Variants in RBFOX1 observed in about 807,000 individuals in gnomAD.
RBFOX1 encodes the protein RNA binding fox-1 homolog 1.
Under a neutral mutation model 57.7 loss-of-function variants are expected in RBFOX1, and 8 were observed. The ratio of observed to expected loss-of-function variants is 0.14; its 90% CI spans 0.08 to 0.25. The LOEUF (loss-of-function observed/expected upper bound fraction) is 0.25. Ranked by LOEUF, RBFOX1 falls within the 10% of genes least tolerant of loss-of-function variation. RBFOX1 has a pLI of 1.00. For missense variants in RBFOX1, 611 were observed against 548.5 expected (o/e 1.11, Z -1.14); for synonymous variants, 326 against 222.4 (o/e 1.47, Z -4.15).
chr16:6,570,027 G>T (rs983478871), intron 2 of RBFOX1, among the ~76,000 whole-genome samples: 2 of 152,168 alleles, frequency 1.3e-5, no homozygotes, highest in Non-Finnish European at 2.9e-5. Context: ...TTTAGAGGAC[G>T]ACCTTCAGTA....
chr16:6,716,113 GA>G (rs1442068272), intron 3 of RBFOX1, among the ~76,000 whole-genome samples: 1 of 152,200 alleles, frequency 6.6e-6, no homozygotes, highest in East Asian at 1.9e-4. Context: ...AGATTGGCCT[GA>G]GGCAAATTCT....
intron 2 of RBFOX1, among the ~76,000 whole-genome samples, chr16:6,356,639 G>A (rs2152858022): frequency 6.6e-6 from 1 of 152,260 alleles, no homozygotes; most frequent in Non-Finnish European, 1.5e-5. Flanking sequence ...AATAGCTGCA[G>A]CCAAGAGAAG....
intron 1 of RBFOX1, among the ~76,000 whole-genome samples, chr16:5,324,694 AC>A (rs1252735453): frequency 6.6e-6 from 1 of 152,214 alleles, no homozygotes; most frequent in East Asian, 1.9e-4. Flanking sequence ...TCCTTAGCAA[AC>A]TAACACAAGA....
At chr16:7,417,858 G>A (rs1044424986) in intron 4 of RBFOX1, among the ~76,000 whole-genome samples, 1 of 152,080 alleles carries the variant, frequency 6.6e-6, no homozygotes, top group Non-Finnish European at 1.5e-5. Context: ...ACTTCTTGAC[G>A]CACTTTCGTT....
chr16:7,371,605 C>G (rs552875285), intron 4 of RBFOX1, among the ~76,000 whole-genome samples: 2 of 152,216 alleles, frequency 1.3e-5, no homozygotes, highest in East Asian at 3.9e-4. Context: ...CAAAAATTAG[C>G]TGGGTGTGGT....
intron 3 of RBFOX1, among the ~76,000 whole-genome samples, chr16:5,812,955 T>C (rs2055487065): frequency 6.6e-6 from 1 of 152,196 alleles, no homozygotes; most frequent in Admixed American, 6.5e-5. Context: ...TTGATTTTCT[T>C]ATTGTTTTTA....
chr16:5,253,068 A>G (rs1261459171), intron 1 of RBFOX1, among the ~76,000 whole-genome samples: 2 of 152,180 alleles, frequency 1.3e-5, no homozygotes, highest in South Asian at 4.1e-4. Context: ...TTCATCTGAA[A>G]GACTCTCTGT....
At chr16:6,786,376 C>T in intron 3 of RBFOX1, among the ~76,000 whole-genome samples, 1 of 152,122 alleles carries the variant, frequency 6.6e-6, no homozygotes, top group Non-Finnish European at 1.5e-5. Flanking sequence ...TCCCAGACAG[C>T]ATTATTCTTC....
chr16:6,828,371 A>G (rs2092397633), intron 3 of RBFOX1, among the ~76,000 whole-genome samples: 1 of 152,008 alleles, frequency 6.6e-6, no homozygotes, highest in Non-Finnish European at 1.5e-5. Flanking sequence ...TCAAAATACA[A>G]AAATTAACTG....
At chr16:6,675,541 C>A (rs955699803) in intron 3 of RBFOX1, among the ~76,000 whole-genome samples, 1 of 152,164 alleles carries the variant, frequency 6.6e-6, no homozygotes, top group Non-Finnish European at 1.5e-5. Context: ...CCACAGTAGG[C>A]ATGGTGTGTT....
chr16:5,590,347 C>A (rs975548543), intron 2 of RBFOX1, among the ~76,000 whole-genome samples: 4 of 152,142 alleles, frequency 2.6e-5, no homozygotes, highest in African/African-American at 9.7e-5. Flanking sequence ...TTTTATCTCT[C>A]ATTTGAAAAG....
At chr16:6,497,478 C>T (rs544812850) in intron 2 of RBFOX1, among the ~76,000 whole-genome samples, 69 of 152,002 alleles carry the variant, frequency 4.5e-4, no homozygotes, top group African/African-American at 1.3e-3. Context: ...TCTAGAAGAA[C>T]AGCTCTTCAA....
intron 3 of RBFOX1, among the ~76,000 whole-genome samples, chr16:6,819,001 CAG>C (rs1353725399): frequency 2.6e-5 from 4 of 152,010 alleles, no homozygotes; most frequent in African/African-American, 9.7e-5. Flanking sequence ...AAACTTGACA[CAG>C]AGGAAAATAA....
intron 2 of RBFOX1, among the ~76,000 whole-genome samples, chr16:5,547,042 A>G (rs922419243): frequency 6.6e-6 from 1 of 152,206 alleles, no homozygotes; most frequent in Non-Finnish European, 1.5e-5. Context: ...AGTTAAGACC[A>G]CAATGAGATA....
chr16:7,303,893 T>A (rs1390918202), intron 4 of RBFOX1, among the ~76,000 whole-genome samples: 1 of 135,898 alleles, frequency 7.4e-6, no homozygotes, highest in African/African-American at 2.7e-5. Context: ...CCATTCAGCC[T>A]CTTCGGGAGG....
At chr16:7,690,610 C>T (rs1451992221) in intron 14 of RBFOX1, among the ~76,000 whole-genome samples, 2 of 152,110 alleles carry the variant, frequency 1.3e-5, no homozygotes, top group African/African-American at 4.8e-5. Context: ...TGGTACCAGC[C>T]TTCTTTCTTC....
At chr16:6,960,194 A>G (rs1369849182) in intron 3 of RBFOX1, among the ~76,000 whole-genome samples, 2 of 152,134 alleles carry the variant, frequency 1.3e-5, no homozygotes, top group Non-Finnish European at 2.9e-5. Flanking sequence ...TTAGCAGGAG[A>G]CAAGAGAAGG....
At chr16:6,510,460 G>A (rs562520666) in intron 2 of RBFOX1, among the ~76,000 whole-genome samples, 1 of 152,280 alleles carries the variant, frequency 6.6e-6, no homozygotes, top group South Asian at 2.1e-4. Context: ...AGAAAGATGT[G>A]ATTTTGGTCA....
chr16:6,687,085 A>C (rs937830245), intron 3 of RBFOX1, among the ~76,000 whole-genome samples: 3 of 152,358 alleles, frequency 2.0e-5, no homozygotes, highest in African/African-American at 7.2e-5. Context: ...TTCCTGAAAG[A>C]ATCACACTTA....
Sources: allele counts gnomAD v4.1 joint callset (sites outside exome capture counted in the v4.1 genomes callset), GRCh38; gene constraint gnomAD v4.1.1; transcripts MANE v1.5; gene names NCBI Gene and HGNC (gene_info 2026-07-23, HGNC 2026-07-21).